PIK3R5: variants seen among roughly 807,000 people sequenced by gnomAD.
PIK3R5 encodes the protein phosphoinositide-3-kinase regulatory subunit 5, also known as phosphoinositide 3-kinase regulatory subunit 5.
A neutral mutation model predicts 94.9 loss-of-function variants in PIK3R5; 32 were observed. The observed-to-expected ratio is 0.34, with a 90% CI of 0.25 to 0.45. The LOEUF is 0.45. Ranked by LOEUF, PIK3R5 falls within the 20% of genes least tolerant of loss-of-function variation. The pLI, the probability that PIK3R5 is intolerant of heterozygous loss-of-function variation, is 1.00. For synonymous variants in PIK3R5, 443 were observed against 479.4 expected, an observed-to-expected ratio of 0.92 and a Z score of 0.99; for missense variants, 853 against 1,144.6, an observed-to-expected ratio of 0.75 and a Z score of 3.68.
chr17:8,941,561 A>G (rs1304485697), intron 1 of PIK3R5, among the ~76,000 whole-genome samples: 8 of 152,246 alleles, frequency 5.3e-5, no homozygotes, highest in Non-Finnish European at 1.2e-4. Context: ...CAAATCACCA[A>G]TGATTTCCAA....
At chr17:8,913,324 G>A (rs748924965) in intron 1 of PIK3R5, among the ~76,000 whole-genome samples, 1 of 152,198 alleles carries the variant, frequency 6.6e-6, no homozygotes, top group Non-Finnish European at 1.5e-5. Flanking sequence ...AGGAGTATAT[G>A]CCAGGGCGCC....
At chr17:8,901,958 T>C (rs138894018) in intron 5 of PIK3R5, among the ~76,000 whole-genome samples, 1 of 152,294 alleles carries the variant, frequency 6.6e-6, no homozygotes, top group East Asian at 1.9e-4. Context: ...AATTGAGGAA[T>C]GGAATTGCTG....
chr17:8,915,679 G>A (rs2090616270), intron 1 of PIK3R5: 1 of 152,338 alleles, frequency 6.6e-6, no homozygotes, highest in Non-Finnish European at 1.5e-5. Context: ...CCTCTGCCCA[G>A]CCCCTGCTGC....
intron 1 of PIK3R5, among the ~76,000 whole-genome samples, chr17:8,912,911 C>T (rs2090556211): frequency 6.6e-6 from 1 of 152,200 alleles, no homozygotes; most frequent in Admixed American, 6.5e-5. Flanking sequence ...CATTCCAAAG[C>T]CGGACAGTGC....
At chr17:8,912,175 G>T (rs1484891540) in intron 1 of PIK3R5, among the ~76,000 whole-genome samples, 2 of 152,178 alleles carry the variant, frequency 1.3e-5, no homozygotes. Flanking sequence ...TAGCTGAGCT[G>T]GAAAGTCACT....
intron 1 of PIK3R5, among the ~76,000 whole-genome samples, chr17:8,961,402 A>G (rs1000541079): frequency 2.6e-5 from 4 of 152,158 alleles, no homozygotes; most frequent in Non-Finnish European, 4.4e-5. Flanking sequence ...TGGGAGGCCA[A>G]GGCGGGCAGA....
chr17:8,928,291 G>A (rs1236398302), intron 1 of PIK3R5, among the ~76,000 whole-genome samples: 2 of 152,242 alleles, frequency 1.3e-5, no homozygotes, highest in African/African-American at 4.8e-5. Flanking sequence ...AACCTGAAGA[G>A]GAGAACCTCC....
rs750615833 is a variant in PIK3R5 at position 8,888,931 on chromosome 17, C to T, written c.896-40G>A. 3 of 1,560,764 alleles carry T rather than the reference C, an allele frequency of 1.9e-6. No individual in the cohort carries two copies. The highest frequency in any genetic ancestry group is 8.6e-7 in the Non-Finnish European group (1 of 1,157,864). On this transcript the variant is annotated intron_variant, in intron 9 of 18. Transcript: ENST00000447110. This position sits in a 1 kb window ranked among gnomAD's most constrained non-coding sequence, Gnocchi z 7.8. ...GGCCAGCACTGTCTGGGCGTCTGGG[C>T]CCCGGATCCCCTTCTATATTCCCTT... is the stretch of plus-strand genomic sequence containing the variant.
In PIK3R5 at chr17:8,904,918, A is replaced by C; in HGVS notation, c.274-3T>G. ...GAGTCTGGTGGGAAGTGTGGTGTCT[A>C]GGATGGAGGCAGGCAACAAGCAAAG... On this transcript the variant is annotated splice_polypyrimidine_tract_variant and splice_region_variant and intron_variant, in intron 4 of 18. Coordinates refer to ENST00000447110, the MANE Select transcript of PIK3R5 (RefSeq NM_001142633.3). The surrounding 1 kb of genome is among the most constrained non-coding windows in gnomAD (Gnocchi z 5.1). The C allele has an allele frequency of 6.2e-7, 1 of 1,612,222 alleles. No homozygotes were observed. The highest frequency in any genetic ancestry group is 2.2e-5 in the East Asian group (1 of 44,886).
intron 3 of PIK3R5, among the ~76,000 whole-genome samples, chr17:8,907,582 C>T (rs966805293): frequency 1.5e-4 from 22 of 148,708 alleles, no homozygotes; most frequent in African/African-American, 3.2e-4. Context: ...TATAAAAGTA[C>T]GATTTTCACC....
Position 8,904,692 on chromosome 17 carries a change from G to T in PIK3R5, c.412+85C>A. ...TGAATCAAAGGATGCAAGGTAAGGAGGGTCACAAAAAACAGTTTCAGAGGA... is the reference window on the plus strand; with the variant it reads ...TGAATCAAAGGATGCAAGGTAAGGATGGTCACAAAAAACAGTTTCAGAGGA... On this transcript the variant is annotated intron_variant, in intron 5 of 18. Transcript: ENST00000447110. The surrounding 1 kb of genome is among the most constrained non-coding windows in gnomAD (Gnocchi z 5.1). 1 of 1,372,750 alleles carries T rather than the reference G, an allele frequency of 7.3e-7. No individual in the cohort carries two copies. Among genetic ancestry groups the T allele is most frequent in the Admixed American group, 1.8e-5 (1 of 54,742 alleles). 85.0% of individuals were successfully genotyped at this position (1,372,750 alleles called of 1,614,324 possible).
intron 1 of PIK3R5, among the ~76,000 whole-genome samples, chr17:8,912,913 G>A (rs769771307): frequency 9.2e-5 from 14 of 152,184 alleles, no homozygotes; most frequent in Admixed American, 8.5e-4. Context: ...TTCCAAAGCC[G>A]GACAGTGCAG....
At chr17:8,924,935 C>T (rs2090842072) in intron 1 of PIK3R5, among the ~76,000 whole-genome samples, 1 of 152,216 alleles carries the variant, frequency 6.6e-6, no homozygotes, top group Non-Finnish European at 1.5e-5. Flanking sequence ...GGACAACTTA[C>T]TATGACATTA....
chr17:8,883,863 C>G (rs527566701), intron 15 of PIK3R5, among the ~76,000 whole-genome samples: 16 of 152,316 alleles, frequency 1.1e-4, no homozygotes, highest in African/African-American at 3.4e-4. Context: ...TAGAACAGTG[C>G]CTGGGCTGTG....
At chr17:8,913,610 G>A (rs1322157795) in intron 1 of PIK3R5, among the ~76,000 whole-genome samples, 1 of 152,218 alleles carries the variant, frequency 6.6e-6, no homozygotes, top group Non-Finnish European at 1.5e-5. Flanking sequence ...TACCCGGGAG[G>A]CTGAGGCAGG....
intron 14 of PIK3R5, 28 bp downstream of exon 14, chr17:8,886,201 C>T (rs751909642): frequency 3.8e-6 from 6 of 1,569,372 alleles, no homozygotes; most frequent in Non-Finnish European, 4.4e-6. Context: ...CCCGCCTCAC[C>T]GTCTGTCTCT....
At chr17:8,952,208 T>C (rs1432770046) in intron 1 of PIK3R5, among the ~76,000 whole-genome samples, 4 of 152,242 alleles carry the variant, frequency 2.6e-5, no homozygotes. Flanking sequence ...TAAACCTCTA[T>C]CTTGTTTAAG....
chr17:8,957,730 G>A (rs971855314), intron 1 of PIK3R5, among the ~76,000 whole-genome samples: 2 of 152,174 alleles, frequency 1.3e-5, no homozygotes, highest in Non-Finnish European at 2.9e-5. Flanking sequence ...TCTCGGGCAT[G>A]AGCCTGGGAG....
intron 1 of PIK3R5, among the ~76,000 whole-genome samples, chr17:8,951,313 T>A (rs12946609): frequency 0.58 from 88,669 of 152,112 alleles, 28,749 homozygotes; most frequent in Non-Finnish European, 0.73. Context: ...TTAAGTACAT[T>A]CACAATGTTG....
Sources: allele counts gnomAD v4.1 joint callset (sites outside exome capture counted in the v4.1 genomes callset), GRCh38; gene constraint gnomAD v4.1.1; non-coding constraint Gnocchi (gnomAD v3.1); transcripts MANE v1.5; gene names NCBI Gene and HGNC (gene_info 2026-07-23, HGNC 2026-07-21).